GEMIN4: variants seen among roughly 807,000 people sequenced by gnomAD.
GEMIN4 encodes the protein gem-associated protein 4.
Under a neutral mutation model 76.8 loss-of-function variants are expected in GEMIN4, and 59 were observed. The observed-to-expected ratio is 0.77, with a 90% CI of 0.62 to 0.95. The LOEUF (loss-of-function observed/expected upper bound fraction) is 0.95, where lower values mean the gene tolerates loss of function less well. GEMIN4 is among the 40% of genes least tolerant of loss of function. The pLI is 0.00. For missense variants in GEMIN4, 1,311 were observed against 1,318.9 expected (o/e 0.99, Z 0.09); for synonymous variants, 562 against 559.7 (o/e 1.00, Z -0.06).
chr17:749,916 G>C, intron 1 of GEMIN4: 2 of 987,184 alleles, frequency 2.0e-6, no homozygotes, highest in Middle Eastern at 5.2e-4. Context: ...AGCTCTGTGG[G>C]AGAAACCAGG....
At position 747,551 on chromosome 17, in the gene GEMIN4, C is replaced by A; in HGVS notation, c.492G>T (p.Trp164Cys). The A allele has an allele frequency of 6.2e-7, 1 of 1,613,898 alleles. No homozygotes were observed. The highest frequency in any genetic ancestry group is 8.5e-7 in the Non-Finnish European group (1 of 1,179,884). ...AEDVAFFLDV[W>C]WEVMKHKGHP... is the part of the protein sequence containing the mutation. ...GACCCTTGTGCTTCATCACCTCCCA[C>A]CAGACGTCCAGGAAGAAGGCCACGT... The change falls in exon 2 of 2, where the codon TGG becomes TGT. Residue 164 changes from tryptophan to cysteine, a missense_variant. This residue lies in a region of GEMIN4 where 1,208 missense variants were observed against 1,166.9 expected (regional missense o/e 1.04). Coordinates refer to ENST00000319004, the MANE Select transcript of GEMIN4 (RefSeq NM_015721.3).
At chr17:753,108 A>C (rs535945289), upstream of GEMIN4, 267 of 121,674 alleles carry the variant, frequency 2.2e-3, 4 homozygotes, top group African/African-American at 8.2e-3. Flanking sequence ...TACGCGGCCA[A>C]AGTGGAGGAG....
At position 747,168 on chromosome 17, in the gene GEMIN4, T is replaced by A; in HGVS notation, c.875A>T (p.Lys292Met). The stretch of plus-strand genomic sequence containing the variant: ...GACATCCCGTTCTGCCTCCTTCACC[T>A]TCTCTGCCAGCGCCTGCTGGTGGTA... The part of the protein sequence containing the change: ...NPYHQQALAE[K>M]VKEAERDVSL... Residue 292 changes from lysine (K) to methionine (M), a missense_variant, in exon 2 of 2, where the codon AAG becomes ATG. Coordinates refer to ENST00000319004, the MANE Select transcript of GEMIN4 (RefSeq NM_015721.3). 1 of 1,613,816 alleles carries A rather than the reference T, an allele frequency of 6.2e-7. No homozygotes were observed. Among genetic ancestry groups the A allele is most frequent in the South Asian group, 1.1e-5 (1 of 91,076 alleles).
Position 747,076 on chromosome 17 carries a change from G to C in GEMIN4, c.967C>G (p.Leu323Val). 6.2e-7 allele frequency: 1 copy of C among 1,613,612 alleles called. No individual in the cohort carries two copies. Among genetic ancestry groups the C allele is most frequent in the South Asian group, 1.1e-5 (1 of 91,088 alleles). The stretch of plus-strand genomic sequence containing the variant: ...AACTCCTCCCCCCACTCCCGCAGCA[G>C]GTGGTGCAGGAACTCGCAGCCCACG... ...IFVGCEFLHH[L>V]LREWGEELQA... The change falls in exon 2 of 2, where the codon CTG becomes GTG. Residue 323 changes from leucine (L) to valine (V), a missense_variant. This residue lies in a region of GEMIN4 where 1,208 missense variants were observed against 1,166.9 expected (regional missense o/e 1.04). Transcript: ENST00000319004.
rs759313307 is a variant in GEMIN4, at chr17:746,010, A to G, written c.2033T>C (p.Leu678Pro). 2.1e-5 allele frequency: 34 copies of G among 1,613,784 alleles called. No individual in the cohort carries two copies. Among genetic ancestry groups the G allele is most frequent in the Non-Finnish European group, 2.9e-5 (34 of 1,179,884 alleles). ...DLSLRIFIQT[L>P]EANACREEYW... ...TTCCTCTCGGCACGCGTTTGCCTCT[A>G]GAGTCTGGATGAAGATCCTCAGACT... The change falls in exon 2 of 2, where the codon CTA becomes CCA. Residue 678 changes from leucine to proline, a missense_variant. This residue lies in a region of GEMIN4 where 1,208 missense variants were observed against 1,166.9 expected (regional missense o/e 1.04). Coordinates refer to ENST00000319004, the MANE Select transcript of GEMIN4 (RefSeq NM_015721.3). The surrounding 1 kb of genome is among the most constrained non-coding windows in gnomAD (Gnocchi z 4.3).
At position 745,369 on chromosome 17, in the gene GEMIN4, C is replaced by T. The variant is rs1974353441; in HGVS notation, c.2674G>A (p.Glu892Lys). The T allele has an allele frequency of 1.9e-5, 30 of 1,613,132 alleles. No homozygotes were observed. The highest frequency in any genetic ancestry group is 2.5e-5 in the Non-Finnish European group (29 of 1,179,878). Reference sequence around the variant, plus strand: ...AGCAGGGGAACAAACTGAATATATTCCAGGCTATAAGGGACATGGAGGAGC... The same window carrying T: ...AGCAGGGGAACAAACTGAATATATTTCAGGCTATAAGGGACATGGAGGAGC... ...KQLLHVPYSL[E>K]YIQFVPLLNL... The change falls in exon 2 of 2, where the codon GAA becomes AAA. Residue 892 changes from glutamate (E) to lysine (K), a missense_variant. Around this residue, in one of 2 missense-constraint regions of GEMIN4, gnomAD observed 1,208 missense variants for 1,166.9 expected, o/e 1.04. Coordinates refer to ENST00000319004, the MANE Select transcript of GEMIN4 (RefSeq NM_015721.3). The surrounding 1 kb of genome is among the most constrained non-coding windows in gnomAD (Gnocchi z 4.6).
chr17:751,411 G>A (rs993666531), intron 1 of GEMIN4, among the ~76,000 whole-genome samples: 1 of 152,090 alleles, frequency 6.6e-6, no homozygotes, highest in Non-Finnish European at 1.5e-5. Flanking sequence ...TTTCCCCCCA[G>A]CCTACTACTG....
Position 752,166 on chromosome 17 carries a change from G to T in GEMIN4, c.-24C>A, listed in dbSNP as rs1172253335. ...ATGGCGGCGACGCCGGCGGCTGCGC[G>T]GGGCTAACGCCCCCTCCCCTCCGAG... On this transcript the variant is annotated 5_prime_UTR_variant, in exon 1 of 2. Coordinates refer to ENST00000319004, the MANE Select transcript of GEMIN4 (RefSeq NM_015721.3). 2.4e-6 allele frequency: 3 copies of T among 1,234,312 alleles called. No homozygotes were observed. The highest frequency in any genetic ancestry group is 3.0e-6 in the Non-Finnish European group (3 of 988,612). The allele number at this position is 1,234,312 out of a possible 1,614,324, so 76.5% of individuals were successfully genotyped here. A position where few individuals can be genotyped will look rare whatever the true frequency, so the allele number is the denominator to read the frequency against.
chr17:749,586 T>C (rs1182726139), intron 1 of GEMIN4, among the ~76,000 whole-genome samples: 179 of 91,474 alleles, frequency 2.0e-3, no homozygotes, highest in Middle Eastern at 9.4e-3. Context: ...ATCACACGGC[T>C]ACAGGGTAAT....
chr17:746,363 C>T lies in GEMIN4; in HGVS notation c.1680G>A (p.Thr560=), dbSNP rs1188170105. 2.9e-5 allele frequency: 47 copies of T among 1,613,706 alleles called. No individual in the cohort carries two copies. Among genetic ancestry groups the T allele is most frequent in the Non-Finnish European group, 3.8e-5 (45 of 1,179,886 alleles). ...ARLVIVHPEV[T]VKKMCSLAVV... is the part of the protein sequence containing the mutation. The stretch of plus-strand genomic sequence containing the variant: ...CAGCCAGGCTGCACATTTTCTTCAC[C>T]GTGACTTCCGGGTGCACTATGACCA... The change falls in exon 2 of 2, where the codon ACG becomes ACA. Residue 560 remains threonine (T), a synonymous_variant. Coordinates refer to ENST00000319004, the MANE Select transcript of GEMIN4 (RefSeq NM_015721.3). The surrounding 1 kb of genome is among the most constrained non-coding windows in gnomAD (Gnocchi z 4.3).
intron 1 of GEMIN4, among the ~76,000 whole-genome samples, chr17:750,870 T>C (rs1341299895): frequency 1.3e-5 from 2 of 152,180 alleles, no homozygotes; most frequent in Non-Finnish European, 2.9e-5. Flanking sequence ...AGGGTTACGC[T>C]GCGAAGGGGA....
At chr17:750,623 T>C (rs569097145) in intron 1 of GEMIN4, among the ~76,000 whole-genome samples, 65 of 152,298 alleles carry the variant, frequency 4.3e-4, no homozygotes, top group African/African-American at 1.5e-3. Context: ...CATCTCCCCT[T>C]TCCCAGGAGT....
intron 1 of GEMIN4, among the ~76,000 whole-genome samples, chr17:749,615 C>T (rs962580050): frequency 1.5e-4 from 23 of 148,900 alleles, no homozygotes; most frequent in Non-Finnish European, 2.2e-4. Context: ...AGCGATCACA[C>T]GGCCACAGGA....
chr17:752,540 C>T, upstream of GEMIN4: 1 of 507,318 alleles, frequency 2.0e-6, no homozygotes, highest in Non-Finnish European at 2.7e-6. Context: ...CCGAGCGCCT[C>T]CCCCGGGACG....
In GEMIN4 at chr17:745,077, A is replaced by C; in HGVS notation, c.2966T>G (p.Ile989Ser). The C allele has an allele frequency of 6.2e-7, 1 of 1,613,570 alleles. No individual in the cohort carries two copies. The highest frequency in any genetic ancestry group is 8.5e-7 in the Non-Finnish European group (1 of 1,179,744). Residue 989 changes from isoleucine (I) to serine (S), a missense_variant, in exon 2 of 2, where the codon ATC becomes AGC. Coordinates refer to ENST00000319004, the MANE Select transcript of GEMIN4 (RefSeq NM_015721.3). This position sits in a 1 kb window ranked among gnomAD's most constrained non-coding sequence, Gnocchi z 4.6. Reference protein sequence around the residue: ...YTQVFCHALHIMAMLHPEVCE... With the variant: ...YTQVFCHALHSMAMLHPEVCE... The stretch of plus-strand genomic sequence containing the variant: ...GACCTCCGGGTGGAGCATGGCCATG[A>C]TGTGCAGAGCATGGCAGAACACCTG...
At position 744,850 on chromosome 17, in the gene GEMIN4, A is replaced by T; in HGVS notation, c.*16T>A. 2 of 1,597,084 alleles carry T rather than the reference A, an allele frequency of 1.3e-6. No individual in the cohort carries two copies. Among genetic ancestry groups the T allele is most frequent in the Non-Finnish European group, 8.5e-7 (1 of 1,172,288 alleles). ...CTGCAGACCCGCCATGTTGGGGCCC[A>T]GCTCCCCACGCCAAGTCAGAAGCTG... On this transcript the variant is annotated 3_prime_UTR_variant, in exon 2 of 2. Coordinates refer to ENST00000319004, the MANE Select transcript of GEMIN4 (RefSeq NM_015721.3).
At chr17:752,645 GC>G (rs1424442154), upstream of GEMIN4, 2 of 1,006,846 alleles carry the variant, frequency 2.0e-6, no homozygotes, top group East Asian at 1.8e-4. Flanking sequence ...CTGCCGCGCC[GC>G]CCCCTCCAGA....
At chr17:749,274 T>C (rs1346815897) in intron 1 of GEMIN4, 4 of 163,046 alleles carry the variant, frequency 2.5e-5, no homozygotes, top group Non-Finnish European at 4.6e-5. Context: ...ACAGCAGCAA[T>C]CACACGGCCA....
rs1751767165 is a variant in GEMIN4, at chr17:752,165, C to CG, written c.-24dup. On this transcript the variant is annotated 5_prime_UTR_variant, in exon 1 of 2. Transcript: ENST00000319004. ...CATGGCGGCGACGCCGGCGGCTGCGCGGGGCTAACGCCCCCTCCCCTCCGA... is the reference window on the plus strand; with the variant it reads ...CATGGCGGCGACGCCGGCGGCTGCGCGGGGGCTAACGCCCCCTCCCCTCCGA... 1.6e-6 allele frequency: 2 copies of CG among 1,233,756 alleles called. No homozygotes were observed. Among genetic ancestry groups the CG allele is most frequent in the Non-Finnish European group, 2.0e-6 (2 of 988,084 alleles). The allele number at this position is 1,233,756 out of a possible 1,614,324, so 76.4% of individuals were successfully genotyped here.
Sources: gnomAD v4.1 joint callset for allele counts (sites outside exome capture counted in the v4.1 genomes callset) on GRCh38, gnomAD v4.1.1 for gene constraint, gnomAD v4.1.1 regional missense constraint, Gnocchi (gnomAD v3.1) non-coding constraint, MANE v1.5 for transcripts, NCBI Gene and HGNC (gene_info 2026-07-23, HGNC 2026-07-21) for gene names.